Variants in ZBTB25 observed in about 807,000 individuals in gnomAD.
ZBTB25 encodes zinc finger and BTB domain-containing protein 25.
Under a neutral mutation model 34.2 loss-of-function variants are expected in ZBTB25, and 20 were observed. The ratio of observed to expected loss-of-function variants is 0.58; its 90% confidence interval spans 0.41 to 0.85. The LOEUF (loss-of-function observed/expected upper bound fraction) is 0.85. ZBTB25 is among the 40% of genes least tolerant of loss of function. ZBTB25 has a pLI of 0.00. For missense variants in ZBTB25, 437 were observed against 521.8 expected (o/e 0.84, Z 1.58); for synonymous variants, 175 against 186.4 (o/e 0.94, Z 0.50).
intron 1 of ZBTB25, chr14:64,503,179 G>A: frequency 1.0e-6 from 1 of 985,470 alleles, no homozygotes; most frequent in Non-Finnish European, 1.2e-6. Flanking sequence ...ATAATTTGAA[G>A]ATAGAAAAGG....
At chr14:64,489,050 G>A (rs1422356989) in intron 2 of ZBTB25, among the ~76,000 whole-genome samples, 2 of 152,038 alleles carry the variant, frequency 1.3e-5, no homozygotes, top group Non-Finnish European at 2.9e-5. Context: ...AGTTCAAGAG[G>A]AGCCTAACCA....
Position 64,486,164 on chromosome 14 carries a change from T to C in ZBTB25, c.*759A>G. 3.0e-6 allele frequency: 2 copies of C among 659,416 alleles called. No homozygotes were observed. The highest frequency in any genetic ancestry group is 3.8e-6 in the Non-Finnish European group (2 of 532,942). 40.8% of individuals were successfully genotyped at this position (659,416 alleles called of 1,614,324 possible). ...AAAATACAAAAAAATTAGCTGGGCG[T>C]GGTGGCGGGCGCCTGTAGTCCCAGC... On this transcript the variant is annotated 3_prime_UTR_variant, in exon 3 of 3. Transcript: ENST00000608382.
At chr14:64,451,113 G>A (rs1392915134) in intron 2 of ZBTB25, among the ~76,000 whole-genome samples, 1 of 152,116 alleles carries the variant, frequency 6.6e-6, no homozygotes, top group Non-Finnish European at 1.5e-5. Flanking sequence ...ACGTTGCAAT[G>A]AGCTGAGATC....
intron 2 of ZBTB25, chr14:64,449,761 A>G (rs996403678): frequency 3.1e-5 from 30 of 972,058 alleles, no homozygotes; most frequent in Middle Eastern, 2.3e-4. Context: ...GACTTACACA[A>G]CCACAGCCTG....
chr14:64,465,879 C>T (rs2078607779), intron 2 of ZBTB25, among the ~76,000 whole-genome samples: 1 of 152,192 alleles, frequency 6.6e-6, no homozygotes, highest in African/African-American at 2.4e-5. Flanking sequence ...TTCTTTATCC[C>T]TCTTTGAGAA....
chr14:64,464,468 A>G (rs2078589343), intron 2 of ZBTB25, among the ~76,000 whole-genome samples: 1 of 152,196 alleles, frequency 6.6e-6, no homozygotes, highest in Non-Finnish European at 1.5e-5. Flanking sequence ...TCTTTCCTTG[A>G]TAAGCCTCTG....
intron 2 of ZBTB25, among the ~76,000 whole-genome samples, chr14:64,489,299 AC>A (rs144600168): frequency 0.24 from 35,831 of 151,072 alleles, 4,891 homozygotes; most frequent in East Asian, 0.41. Flanking sequence ...AATAAAAAAA[AC>A]AAAAGTGTTA....
chr14:64,501,020 C>T (rs2079478153), intron 1 of ZBTB25, among the ~76,000 whole-genome samples: 1 of 152,178 alleles, frequency 6.6e-6, no homozygotes, highest in African/African-American at 2.4e-5. Context: ...CACTGCACTC[C>T]AGCCTGGGTG....
intron 1 of ZBTB25, chr14:64,502,955 G>T (rs2079545163): frequency 1.0e-6 from 1 of 985,500 alleles, no homozygotes; most frequent in Non-Finnish European, 1.2e-6. Context: ...AGTCTCAAGA[G>T]AAAGAATGCC....
chr14:64,453,138 A>C (rs954781063), intron 2 of ZBTB25, among the ~76,000 whole-genome samples: 3 of 152,010 alleles, frequency 2.0e-5, no homozygotes, highest in African/African-American at 7.2e-5. Context: ...TATATATTTA[A>C]AACCTTAATA....
intron 1 of ZBTB25, among the ~76,000 whole-genome samples, chr14:64,498,463 A>G (rs1407560737): frequency 6.6e-6 from 1 of 151,380 alleles, no homozygotes; most frequent in African/African-American, 2.4e-5. Flanking sequence ...ACAGGTGCCC[A>G]TCACGCCTGG....
intron 1 of ZBTB25, among the ~76,000 whole-genome samples, chr14:64,498,089 G>A (rs750699521): frequency 6.6e-6 from 1 of 152,148 alleles, no homozygotes; most frequent in African/African-American, 2.4e-5. Context: ...TTTATATAGC[G>A]ACTAACTTTT....
At chr14:64,488,534 T>C (rs746985513) in intron 2 of ZBTB25, among the ~76,000 whole-genome samples, 23 of 152,300 alleles carry the variant, frequency 1.5e-4, no homozygotes, top group Middle Eastern at 3.4e-3. Flanking sequence ...CACCAAAAGA[T>C]GAGTGGATAA....
chr14:64,472,083 C>G (rs2078678635), intron 2 of ZBTB25: 1 of 166,766 alleles, frequency 6.0e-6, no homozygotes, highest in South Asian at 2.1e-4. Context: ...ACACATGACC[C>G]AAGAAGTCAA....
At chr14:64,497,163 T>C (rs935257284) in intron 1 of ZBTB25, among the ~76,000 whole-genome samples, 2 of 140,078 alleles carry the variant, frequency 1.4e-5, no homozygotes, top group Non-Finnish European at 3.3e-5. Context: ...AATTAAAATC[T>C]ATTAAAAAAA....
intron 1 of ZBTB25, chr14:64,503,154 T>C: frequency 1.0e-6 from 1 of 985,510 alleles, no homozygotes; most frequent in Non-Finnish European, 1.2e-6. Flanking sequence ...CGGATATGCT[T>C]AGAACAAGAT....
chr14:64,502,273 C>T (rs925579594), intron 1 of ZBTB25, among the ~76,000 whole-genome samples: 1 of 152,188 alleles, frequency 6.6e-6, no homozygotes, highest in Admixed American at 6.5e-5. Context: ...ACGTGGGTTC[C>T]TTTCTGTTTT....
At position 64,456,341 on chromosome 14, in the gene ZBTB25, T is replaced by C. The variant is rs572735910; in HGVS notation, c.174-6703A>G. 3.3e-5 allele frequency among the ~76,000 whole-genome samples: 5 copies of C among 152,368 alleles called. No individual in the cohort carries two copies. The South Asian group carries it at 1.0e-3, about 32-fold the overall frequency. ...ACACCTTCCAGTTGCCGTTGGGGCC[T>C]TAACGAGACTCAGATTATTTGAATA... On this transcript the variant is annotated intron_variant, in intron 2 of 2. Transcript: ENST00000555220.
downstream of ZBTB25, among the ~76,000 whole-genome samples, chr14:64,476,334 TTTTG>T (rs2078718923): frequency 6.6e-6 from 1 of 152,212 alleles, no homozygotes; most frequent in African/African-American, 2.4e-5. Flanking sequence ...GTATTTCTGT[TTTTG>T]TTTTTGAGAC....
Sources: gnomAD v4.1 joint callset for allele counts (sites outside exome capture counted in the v4.1 genomes callset) on GRCh38, gnomAD v4.1.1 for gene constraint, MANE v1.5 for transcripts, NCBI Gene and HGNC (gene_info 2026-07-23, HGNC 2026-07-21) for gene names.